Variants in COL14A1 observed in about 807,000 individuals in gnomAD.
COL14A1 encodes the protein collagen type XIV alpha 1 chain, also known as collagen alpha-1(XIV) chain.
Under a neutral mutation model 230.3 loss-of-function variants are expected in COL14A1, and 136 were observed. The observed-to-expected ratio is 0.59, with a 90% CI of 0.51 to 0.68. The LOEUF (loss-of-function observed/expected upper bound fraction) is 0.68, where lower values mean the gene tolerates loss of function less well. Among genes scored for constraint, COL14A1 ranks in the 30% least tolerant of loss-of-function variants. COL14A1 has a pLI of 0.00. For synonymous variants in COL14A1, 792 were observed against 784.1 expected (o/e 1.01, Z -0.17); for missense variants, 1,976 against 2,215.8 (o/e 0.89, Z 2.17).
intron 36 of COL14A1, among the ~76,000 whole-genome samples, chr8:120,309,658 A>G (rs1200619011): frequency 6.6e-6 from 1 of 152,174 alleles, no homozygotes; most frequent in African/African-American, 2.4e-5. Flanking sequence ...GTTATGTTTT[A>G]TATGTTATAT....
chr8:120,263,407 A>G (rs1819402339), intron 24 of COL14A1, among the ~76,000 whole-genome samples: 1 of 152,176 alleles, frequency 6.6e-6, no homozygotes, highest in African/African-American at 2.4e-5. Flanking sequence ...ATGGGAAGGG[A>G]GCCAAGATGT....
intron 45 of COL14A1, among the ~76,000 whole-genome samples, chr8:120,356,436 G>A (rs771175154): frequency 2.0e-5 from 3 of 152,198 alleles, no homozygotes; most frequent in Non-Finnish European, 4.4e-5. Flanking sequence ...GACTACTTAA[G>A]CTTAAAACTT....
At chr8:120,342,276 T>C in intron 43 of COL14A1, 104 bp from the exon 44 acceptor site, 2 of 1,159,154 alleles carry the variant, frequency 1.7e-6, no homozygotes, top group Non-Finnish European at 2.6e-6. Context: ...GGGCCAAAGA[T>C]CCCTGATGGG....
intron 1 of COL14A1, among the ~76,000 whole-genome samples, chr8:120,144,536 C>A (rs528036873): frequency 2.0e-5 from 3 of 152,214 alleles, no homozygotes; most frequent in Admixed American, 2.0e-4. Flanking sequence ...AAGACAAGAA[C>A]TTTTAAAAGT....
chr8:120,361,427 C>A (rs1823210696), intron 45 of COL14A1, among the ~76,000 whole-genome samples: 1 of 152,176 alleles, frequency 6.6e-6, no homozygotes, highest in Non-Finnish European at 1.5e-5. Flanking sequence ...GTCCTACAGA[C>A]CAGACATGCA....
intron 2 of COL14A1, among the ~76,000 whole-genome samples, chr8:120,149,881 AG>A (rs1205325097): frequency 6.6e-6 from 1 of 151,998 alleles, no homozygotes; most frequent in African/African-American, 2.4e-5. Context: ...TTTAGTAGAG[AG>A]GGGGTTTCAC....
chr8:120,132,614 A>G (rs1814567188), intron 1 of COL14A1, among the ~76,000 whole-genome samples: 1 of 151,808 alleles, frequency 6.6e-6, no homozygotes, highest in South Asian at 2.1e-4. Context: ...TTTGATAGCA[A>G]TAACATTGAA....
chr8:120,283,517 A>T (rs1417692081), intron 31 of COL14A1, 119 bp from the exon 32 acceptor site: 15 of 992,458 alleles, frequency 1.5e-5, no homozygotes, highest in Non-Finnish European at 1.5e-5. Context: ...GTTGGTGTTA[A>T]TGGTGGTCTT....
intron 28 of COL14A1, 87 bp downstream of exon 28, chr8:120,278,665 A>C: frequency 7.6e-7 from 1 of 1,314,430 alleles, no homozygotes; most frequent in Non-Finnish European, 1.0e-6. Context: ...TATCAGCATT[A>C]CTTAAATGTT....
intron 24 of COL14A1, among the ~76,000 whole-genome samples, 167 bp from the exon 25 acceptor site, chr8:120,266,660 G>T (rs1280923383): frequency 1.3e-5 from 2 of 151,956 alleles, no homozygotes; most frequent in Admixed American, 6.6e-5. Context: ...GACGATGGAT[G>T]GAGTCAGTTT....
At chr8:120,309,157 G>A (rs1290449308) in intron 36 of COL14A1, among the ~76,000 whole-genome samples, 2 of 152,044 alleles carry the variant, frequency 1.3e-5, no homozygotes, top group Non-Finnish European at 2.9e-5. Flanking sequence ...GGATGGTCTC[G>A]ATCTCCTGAC....
At chr8:120,273,893 A>G (rs1366295393) in intron 26 of COL14A1, among the ~76,000 whole-genome samples, 2 of 151,832 alleles carry the variant, frequency 1.3e-5, no homozygotes, top group East Asian at 3.9e-4. Flanking sequence ...TTGTATGGAA[A>G]CTATTAGGTT....
At chr8:120,279,613 T>C (rs999908058) in intron 28 of COL14A1, among the ~76,000 whole-genome samples, 1 of 150,818 alleles carries the variant, frequency 6.6e-6, no homozygotes, top group Non-Finnish European at 1.5e-5. Flanking sequence ...TTTCATACCA[T>C]AAATGTTAAA....
intron 45 of COL14A1, among the ~76,000 whole-genome samples, chr8:120,362,474 G>A (rs1823253527): frequency 6.6e-6 from 1 of 152,204 alleles, no homozygotes; most frequent in African/African-American, 2.4e-5. Context: ...AGTGCTTAAT[G>A]TGTGACTGGC....
Position 120,317,836 on chromosome 8 carries a change from A to G in COL14A1, c.4659+1839A>G, listed in dbSNP as rs141855842. Among the ~76,000 whole-genome samples the G allele has an allele frequency of 1.8e-3, 269 of 152,338 alleles. 4 individuals are homozygous for G. The highest frequency in any genetic ancestry group is 7.7e-3 in the South Asian group (37 of 4,830). ...AAAGGCTTAGAGCTGTAATAAAGTGATAAGATATGTGTAATTAGATTTTAT... is the reference window on the plus strand; with the variant it reads ...AAAGGCTTAGAGCTGTAATAAAGTGGTAAGATATGTGTAATTAGATTTTAT... On this transcript the variant is annotated intron_variant, in intron 40 of 47. Transcript: ENST00000297848.
chr8:120,306,136 T>A (rs2130059250), intron 36 of COL14A1, among the ~76,000 whole-genome samples: 1 of 152,344 alleles, frequency 6.6e-6, no homozygotes, highest in Admixed American at 6.5e-5. Context: ...ATACTATAGT[T>A]TTTTATTGTT....
intron 26 of COL14A1, among the ~76,000 whole-genome samples, chr8:120,277,058 A>C (rs1388578195): frequency 2.6e-5 from 4 of 151,284 alleles, no homozygotes; most frequent in Non-Finnish European, 5.9e-5. Flanking sequence ...TGAAAAACAA[A>C]TAAAAAACAA....
chr8:120,157,676 T>A (rs1815523983), intron 2 of COL14A1, among the ~76,000 whole-genome samples: 1 of 152,040 alleles, frequency 6.6e-6, no homozygotes, highest in Non-Finnish European at 1.5e-5. Flanking sequence ...AGTTCATTAG[T>A]GAGGTTGTAA....
At chr8:120,274,014 G>C (rs1246801645) in intron 26 of COL14A1, among the ~76,000 whole-genome samples, 12 of 151,692 alleles carry the variant, frequency 7.9e-5, no homozygotes, top group African/African-American at 2.9e-4. Flanking sequence ...AAAACCAGTA[G>C]AGGACATAAT....
Sources: gnomAD v4.1 joint callset for allele counts (sites outside exome capture counted in the v4.1 genomes callset) on GRCh38, gnomAD v4.1.1 for gene constraint, MANE v1.5 for transcripts, NCBI Gene and HGNC (gene_info 2026-07-23, HGNC 2026-07-21) for gene names.